Variants in KIAA1671 observed in about 807,000 individuals in gnomAD.
KIAA1671 encodes uncharacterized protein KIAA1671.
KIAA1671 carries 52 observed loss-of-function variants against 131.2 expected under a neutral mutation model. The observed-to-expected ratio is 0.40, with a 90% CI of 0.32 to 0.50. The LOEUF (loss-of-function observed/expected upper bound fraction) is 0.50. KIAA1671 is among the 20% of genes least tolerant of loss of function. KIAA1671 has a pLI of 0.73. For synonymous variants in KIAA1671, 1,003 were observed against 961.6 expected, an observed-to-expected ratio of 1.04 and a Z score of -0.80; for missense variants, 2,360 against 2,364.2, an observed-to-expected ratio of 1.00 and a Z score of 0.04.
intron 5 of KIAA1671, among the ~76,000 whole-genome samples, chr22:25,047,398 G>A (rs947723890): frequency 6.6e-6 from 1 of 151,360 alleles, no homozygotes; most frequent in African/African-American, 2.4e-5. Flanking sequence ...TGATCAACCT[G>A]CCTTGGCCTC....
chr22:25,063,166 C>G (rs962295111), intron 6 of KIAA1671: 1 of 152,102 alleles, frequency 6.6e-6, no homozygotes, highest in African/African-American at 2.4e-5. Flanking sequence ...GAAAGCTACC[C>G]TGTTACAGAG....
intron 6 of KIAA1671, chr22:25,051,411 T>A (rs1927525822): frequency 5.3e-5 from 8 of 152,206 alleles, no homozygotes; most frequent in Admixed American, 5.2e-4. Context: ...AGTTTTTTCT[T>A]CTGTAAGATA....
intron 1 of KIAA1671, among the ~76,000 whole-genome samples, chr22:24,999,208 T>G (rs146660258): frequency 1.3e-5 from 2 of 152,272 alleles, no homozygotes; most frequent in East Asian, 3.9e-4. Flanking sequence ...AGTACAGTAT[T>G]TTATAATCAA....
Position 25,190,923 on chromosome 22 carries a change from G to A in KIAA1671, c.*4+139G>A, listed in dbSNP as rs943410314. 3.9e-5 allele frequency: 25 copies of A among 633,226 alleles called. 1 individual carries two copies. The Admixed American group carries it at 6.2e-4, about 16-fold the overall frequency. 39.2% of individuals were successfully genotyped at this position (633,226 alleles called of 1,614,324 possible). A position where few individuals can be genotyped will look rare whatever the true frequency, so the allele number is the denominator to read the frequency against. ...GTGTAAGGGGAAGAATGAGGGGTGG[G>A]GGGTGTTCTGAGTTCCTGTAAAGAG... On this transcript the variant is annotated intron_variant, in intron 12 of 12. Transcript: ENST00000358431.
chr22:25,147,067 G>A (rs1345785943), intron 6 of KIAA1671, among the ~76,000 whole-genome samples: 1 of 152,166 alleles, frequency 6.6e-6, no homozygotes, highest in Non-Finnish European at 1.5e-5. Flanking sequence ...GGGAGGGAGG[G>A]TGAGGGATGC....
chr22:25,107,674 C>T (rs1931088828), intron 6 of KIAA1671, among the ~76,000 whole-genome samples: 1 of 151,722 alleles, frequency 6.6e-6, no homozygotes, highest in Non-Finnish European at 1.5e-5. Context: ...AGGTGTGAGC[C>T]ACAGCACCCA....
chr22:24,992,674 G>C (rs998070621), intron 1 of KIAA1671, among the ~76,000 whole-genome samples: 4 of 151,904 alleles, frequency 2.6e-5, no homozygotes, highest in African/African-American at 7.3e-5. Flanking sequence ...AATTAGGCGG[G>C]TGTGGTGGTG....
intron 1 of KIAA1671, among the ~76,000 whole-genome samples, chr22:24,956,318 C>T (rs903280570): frequency 6.6e-6 from 1 of 152,208 alleles, no homozygotes; most frequent in Non-Finnish European, 1.5e-5. Flanking sequence ...ATAAAACATG[C>T]CAGTCCTCAA....
chr22:25,008,184 T>G (rs1924848798), intron 1 of KIAA1671, among the ~76,000 whole-genome samples: 1 of 108,904 alleles, frequency 9.2e-6, no homozygotes. Flanking sequence ...AGAGACAGAG[T>G]GAGACTCCGT....
chr22:24,971,576 C>G (rs1192017107), intron 1 of KIAA1671, among the ~76,000 whole-genome samples: 1 of 152,192 alleles, frequency 6.6e-6, no homozygotes, highest in Non-Finnish European at 1.5e-5. Flanking sequence ...AGGATGGCTG[C>G]TAAATCTTGG....
chr22:25,123,667 A>G (rs909176986), intron 6 of KIAA1671, among the ~76,000 whole-genome samples: 1 of 152,202 alleles, frequency 6.6e-6, no homozygotes, highest in Non-Finnish European at 1.5e-5. Context: ...GAAATCTGGC[A>G]CACAGGTGAG....
chr22:25,017,863 G>C (rs6004395), intron 1 of KIAA1671, among the ~76,000 whole-genome samples: 64,720 of 151,960 alleles, frequency 0.43, 13,773 homozygotes, highest in Middle Eastern at 0.51. Context: ...AGTGTTACAT[G>C]TGCCCCATCA....
rs934276196 is a variant in KIAA1671 at position 24,962,972 on chromosome 22, TC to T, written c.-208+10201del. On this transcript the variant is annotated intron_variant, in intron 1 of 12. Transcript: ENST00000358431. ...CGGGGAGCTCTGATCTAAGAAGTATTCACATGGCGCCACTATGAATGCACTC... is the reference window on the plus strand; with the variant it reads ...CGGGGAGCTCTGATCTAAGAAGTATTACATGGCGCCACTATGAATGCACTC... 4.6e-5 allele frequency among the ~76,000 whole-genome samples: 7 copies of T among 152,088 alleles called. 1 individual carries two copies. In the South Asian group the frequency reaches 1.5e-3, roughly 32 times the overall value.
intron 8 of KIAA1671, chr22:25,176,460 G>C (rs1023308937): frequency 5.3e-5 from 8 of 152,248 alleles, no homozygotes; most frequent in African/African-American, 1.9e-4. Flanking sequence ...CCGTGGTCAG[G>C]CTCTGTCTGA....
intron 6 of KIAA1671, among the ~76,000 whole-genome samples, chr22:25,099,993 G>T (rs1287104453): frequency 6.6e-6 from 1 of 152,226 alleles, no homozygotes; most frequent in Non-Finnish European, 1.5e-5. Flanking sequence ...GGAGAAGGTG[G>T]TGCAAGGGCC....
intron 11 of KIAA1671, among the ~76,000 whole-genome samples, chr22:25,188,058 T>C (rs1444990547): frequency 6.6e-6 from 1 of 152,148 alleles, no homozygotes; most frequent in Non-Finnish European, 1.5e-5. Context: ...CCCAGCACTT[T>C]GGGAGGCTGA....
Position 25,032,692 on chromosome 22 carries a change from A to G in KIAA1671, c.1625A>G (p.Glu542Gly). Residue 542 changes from glutamate to glycine, a missense_variant, in exon 4 of 13, where the codon GAA (glutamate) becomes GGA (glycine). Transcript: ENST00000358431. ...LSGEFPKEPR[E>G]KQKEGHSLDG... ...GGCGAGTTTCCTAAGGAACCGAGAG[A>G]AAAGGTAAGGAGTGGCTGTGTAGCA... The G allele has an allele frequency of 6.5e-7, 1 of 1,543,284 alleles. No homozygotes were observed. The highest frequency in any genetic ancestry group is 8.8e-7 in the Non-Finnish European group (1 of 1,140,150).
intron 8 of KIAA1671, chr22:25,177,129 G>T (rs1934060058): frequency 1.8e-6 from 1 of 547,778 alleles, no homozygotes; most frequent in Non-Finnish European, 3.2e-6. Flanking sequence ...AAGGTTCATT[G>T]TTCCACCTGA....
At chr22:25,072,976 C>T (rs1223914902) in intron 6 of KIAA1671, among the ~76,000 whole-genome samples, 1 of 152,218 alleles carries the variant, frequency 6.6e-6, no homozygotes, top group Non-Finnish European at 1.5e-5. Context: ...TCCTCACTGC[C>T]CCTGGGCCCT....
Sources: allele counts gnomAD v4.1 joint callset (sites outside exome capture counted in the v4.1 genomes callset), GRCh38; gene constraint gnomAD v4.1.1; transcripts MANE v1.5; gene names NCBI Gene and HGNC (gene_info 2026-07-23, HGNC 2026-07-21).